The following DCC variants were observed in gnomAD, a reference collection of about 807,000 sequenced individuals.
The protein encoded by DCC is netrin receptor DCC.
DCC carries 58 observed loss-of-function variants against 172.5 expected under a neutral mutation model. The observed-to-expected ratio is 0.34, with a 90% CI of 0.27 to 0.42. The LOEUF (loss-of-function observed/expected upper bound fraction) is 0.42. Among genes scored for constraint, DCC ranks in the 10% least tolerant of loss-of-function variants. The probability of loss-of-function intolerance (pLI) is 1.00; values close to 1 mark genes in which losing one functional copy is unlikely to be tolerated. For missense variants in DCC, 1,740 were observed against 1,791.0 expected, an observed-to-expected ratio of 0.97 and a Z score of 0.51; for synonymous variants, 709 against 644.5, an observed-to-expected ratio of 1.10 and a Z score of -1.52.
At chr18:53,477,918 G>A (rs1599196375) in intron 25 of DCC, among the ~76,000 whole-genome samples, 1 of 152,304 alleles carries the variant, frequency 6.6e-6, no homozygotes, top group East Asian at 1.9e-4. Flanking sequence ...TAAAATGGTG[G>A]CAAAGGTTGA....
intron 12 of DCC, among the ~76,000 whole-genome samples, chr18:53,254,415 G>T (rs1215444238): frequency 6.6e-6 from 1 of 152,002 alleles, no homozygotes; most frequent in Non-Finnish European, 1.5e-5. Context: ...CTTCAGAAAG[G>T]TAGATCCCAG....
chr18:53,304,560 T>A (rs913311580), intron 12 of DCC, among the ~76,000 whole-genome samples: 3 of 152,150 alleles, frequency 2.0e-5, no homozygotes, highest in Non-Finnish European at 4.4e-5. Flanking sequence ...TCTGAAACTT[T>A]GGCCTCTGAG....
At chr18:52,403,113 CTATT>C (rs755169449) in intron 1 of DCC, among the ~76,000 whole-genome samples, 20 of 151,984 alleles carry the variant, frequency 1.3e-4, no homozygotes, top group Admixed American at 1.3e-4. Context: ...AAGCATTTGA[CTATT>C]TGTTTTTTTG....
chr18:53,107,362 T>C (rs948011837), intron 7 of DCC, among the ~76,000 whole-genome samples: 2 of 151,826 alleles, frequency 1.3e-5, no homozygotes, highest in South Asian at 2.1e-4. Flanking sequence ...TTCTACTGTC[T>C]TTTATGTTCT....
chr18:52,394,323 G>A (rs1181185289), intron 1 of DCC, among the ~76,000 whole-genome samples: 1 of 152,040 alleles, frequency 6.6e-6, no homozygotes, highest in Non-Finnish European at 1.5e-5. Flanking sequence ...CTGGAGTGCA[G>A]AAGTGTGATC....
chr18:53,504,493 C>T (rs987609363), intron 27 of DCC, among the ~76,000 whole-genome samples: 1 of 152,174 alleles, frequency 6.6e-6, no homozygotes, highest in African/African-American at 2.4e-5. Context: ...TAAGTTTCAT[C>T]TCATGTGAAA....
intron 1 of DCC, among the ~76,000 whole-genome samples, chr18:52,535,350 A>G (rs1272244154): frequency 6.6e-6 from 1 of 152,214 alleles, no homozygotes; most frequent in African/African-American, 2.4e-5. Flanking sequence ...TGGGAAGGTT[A>G]GCAACAGTAG....
intron 14 of DCC, 106 bp downstream of exon 14, chr18:53,322,263 C>G (rs2057420356): frequency 1.4e-6 from 1 of 722,006 alleles, no homozygotes; most frequent in Non-Finnish European, 2.5e-6. Flanking sequence ...GACATTGATT[C>G]TTACTATATG....
intron 1 of DCC, among the ~76,000 whole-genome samples, chr18:52,558,759 G>A (rs1264641000): frequency 6.6e-6 from 1 of 152,106 alleles, no homozygotes; most frequent in African/African-American, 2.4e-5. Flanking sequence ...AACAAAGAGT[G>A]CATCTATAAT....
chr18:53,226,291 T>C (rs1411133787), intron 12 of DCC, among the ~76,000 whole-genome samples: 1 of 152,164 alleles, frequency 6.6e-6, no homozygotes, highest in African/African-American at 2.4e-5. Context: ...GATCAGCAGC[T>C]AGGAGACATC....
intron 1 of DCC, among the ~76,000 whole-genome samples, chr18:52,666,956 GT>G (rs1477011744): frequency 6.6e-6 from 1 of 152,074 alleles, no homozygotes; most frequent in Non-Finnish European, 1.5e-5. Flanking sequence ...ATATGTGTTT[GT>G]TGGTATCAGG....
At chr18:52,632,689 A>G (rs986946353) in intron 1 of DCC, among the ~76,000 whole-genome samples, 1 of 152,200 alleles carries the variant, frequency 6.6e-6, no homozygotes, top group Non-Finnish European at 1.5e-5. Flanking sequence ...CATTCTGATC[A>G]TGAGCATTCC....
At chr18:52,918,513 T>A (rs2145476331) in intron 3 of DCC, among the ~76,000 whole-genome samples, 1 of 152,252 alleles carries the variant, frequency 6.6e-6, no homozygotes, top group Admixed American at 6.5e-5. Context: ...TTGCTCCTGG[T>A]ACAATTTCTA....
chr18:52,820,074 GTAAA>G (rs2038378780), intron 2 of DCC, among the ~76,000 whole-genome samples: 1 of 152,110 alleles, frequency 6.6e-6, no homozygotes, highest in Non-Finnish European at 1.5e-5. Flanking sequence ...TGATTGTTGG[GTAAA>G]TAATTTCCTG....
chr18:53,278,220 G>A (rs528397572), intron 12 of DCC, among the ~76,000 whole-genome samples: 2 of 152,008 alleles, frequency 1.3e-5, no homozygotes, highest in South Asian at 4.2e-4. Context: ...TCACATATTG[G>A]GAATTATATG....
rs189715129 is a variant in DCC at position 52,650,609 on chromosome 18, T to A, written c.92-101445T>A. Among the ~76,000 whole-genome samples the A allele has an allele frequency of 4.8e-3, 734 of 152,338 alleles. 4 individuals carry two copies. Among genetic ancestry groups the A allele is most frequent in the Non-Finnish European group, 5.6e-3 (383 of 68,028 alleles). On this transcript the variant is annotated intron_variant, in intron 1 of 28. Coordinates refer to ENST00000442544, the MANE Select transcript of DCC (RefSeq NM_005215.4). ...TTAGTAATAGCCATTCTGAGTGGTATAAGATGATATCTCATTGAAGGTTGA... is the reference window on the plus strand; with the variant it reads ...TTAGTAATAGCCATTCTGAGTGGTAAAAGATGATATCTCATTGAAGGTTGA...
At chr18:53,389,038 C>G (rs1469792968) in intron 16 of DCC, among the ~76,000 whole-genome samples, 3 of 152,124 alleles carry the variant, frequency 2.0e-5, no homozygotes, top group Non-Finnish European at 2.9e-5. Flanking sequence ...TCTGCCTCAG[C>G]CTTCCAAAAT....
At chr18:53,087,745 T>A (rs922509967) in intron 7 of DCC, among the ~76,000 whole-genome samples, 1 of 152,162 alleles carries the variant, frequency 6.6e-6, no homozygotes, top group African/African-American at 2.4e-5. Context: ...GGTCTAACGT[T>A]TAAGTCTTTA....
At chr18:52,588,604 T>C (rs1436144220) in intron 1 of DCC, among the ~76,000 whole-genome samples, 1 of 152,142 alleles carries the variant, frequency 6.6e-6, no homozygotes, top group East Asian at 1.9e-4. Flanking sequence ...AAGGTACATA[T>C]GAGAAGGGAA....
Sources: gnomAD v4.1 joint callset for allele counts (sites outside exome capture counted in the v4.1 genomes callset) on GRCh38, gnomAD v4.1.1 for gene constraint, MANE v1.5 for transcripts, NCBI Gene and HGNC (gene_info 2026-07-23, HGNC 2026-07-21) for gene names.